The following PDLIM2 variants were observed in gnomAD, a reference collection of about 807,000 sequenced individuals.
The protein encoded by PDLIM2 is PDZ and LIM domain protein 2.
In PDLIM2, 51 loss-of-function variants were observed where a neutral mutation model predicts 54.1. The observed-to-expected ratio is 0.94, with a 90% CI of 0.75 to 1.19. The LOEUF (loss-of-function observed/expected upper bound fraction) is 1.19. Ranked by LOEUF, PDLIM2 falls within the 50% of genes most tolerant of loss-of-function variation. PDLIM2 has a pLI of 0.00. For missense variants in PDLIM2, 912 were observed against 874.0 expected, an observed-to-expected ratio of 1.04 and a Z score of -0.55; for synonymous variants, 398 against 385.6, an observed-to-expected ratio of 1.03 and a Z score of -0.38.
In PDLIM2 at chr8:22,594,272, T is replaced by C. The variant is rs529137123; in HGVS notation, c.*362T>C. 32 of 1,395,472 alleles carry C rather than the reference T, an allele frequency of 2.3e-5. No homozygotes were observed. In the South Asian group the frequency reaches 4.8e-4, roughly 21 times the overall value. The allele number at this position is 1,395,472 out of a possible 1,614,324, so 86.4% of individuals were successfully genotyped here. A position where few individuals can be genotyped will look rare whatever the true frequency, so the allele number is the denominator to read the frequency against. On this transcript the variant is annotated 3_prime_UTR_variant, in exon 10 of 10. Coordinates refer to ENST00000308354, the Ensembl canonical transcript of PDLIM2. The stretch of plus-strand genomic sequence containing the variant: ...TAAAGTTTTTGACATACTAGCTCTA[T>C]AAATATATGAATATGGACAAAATAA...
chr8:22,589,741 G>C (rs1800486357), exon 8 of PDLIM2: 2 of 1,564,348 alleles, frequency 1.3e-6, no homozygotes, highest in East Asian at 4.7e-5. Context: ...TGAGGAGAGA[G>C]GTGAGGGTCT....
In PDLIM2 at chr8:22,591,596, C is replaced by T; in HGVS notation, c.1559C>T (p.Ser520Phe). 1 of 1,613,670 alleles carries T rather than the reference C, an allele frequency of 6.2e-7. No homozygotes were observed. Among genetic ancestry groups the T allele is most frequent in the Non-Finnish European group, 8.5e-7 (1 of 1,180,010 alleles). The change falls in exon 9 of 10, where the codon TCC becomes TTC. Residue 520 changes from serine to phenylalanine, a missense_variant. Coordinates refer to ENST00000308354, the Ensembl canonical transcript of PDLIM2. ...CCCAGCTCACTGAGCCCCCAGTCCT[C>T]CCTGCCCGCCTCCAGGGCCCTGGCC...
chr8:22,591,868 C>A (rs1800560206), intron 9 of PDLIM2, 200 bp downstream of exon 8: 1 of 499,774 alleles, frequency 2.0e-6, no homozygotes, highest in Non-Finnish European at 3.5e-6. Flanking sequence ...TAGCTGCTTC[C>A]GGCTGCATCT....
At chr8:22,589,627 G>A in exon 8 of PDLIM2, 1 of 1,599,440 alleles carries the variant, frequency 6.3e-7, no homozygotes, top group Non-Finnish European at 8.5e-7. Flanking sequence ...CCTCCTCCTG[G>A]ACGAGGACTC....
At chr8:22,594,109 C>T in exon 10 of PDLIM2, 1 of 1,428,164 alleles carries the variant, frequency 7.0e-7, no homozygotes, top group Non-Finnish European at 9.1e-7. Flanking sequence ...TGCCAGGCCT[C>T]TCCCCTGCAG....
chr8:22,588,828 A>G (rs982339176), intron 6 of PDLIM2: 2 of 192,292 alleles, frequency 1.0e-5, no homozygotes, highest in Admixed American at 5.8e-5. Flanking sequence ...GCCGGCCCTG[A>G]CTCCCAGGGG....
intron 6 of PDLIM2, 100 bp from the exon 6 acceptor site, chr8:22,589,196 GCC>G: frequency 7.7e-7 from 1 of 1,290,514 alleles, no homozygotes; most frequent in East Asian, 2.5e-5. Flanking sequence ...AGGGCCGGGG[GCC>G]CCCTGGTGTC....
chr8:22,579,068 A>G (rs937778929), exon 1 of PDLIM2: 1 of 1,249,500 alleles, frequency 8.0e-7, no homozygotes, highest in African/African-American at 1.6e-5. Context: ...GGGCGGCGGC[A>G]GGGGCGGCCC....
chr8:22,581,321 G>T, intron 2 of PDLIM2, 58 bp from the exon 2 acceptor site: 2 of 1,538,586 alleles, frequency 1.3e-6, no homozygotes, highest in Non-Finnish European at 1.7e-6. Flanking sequence ...TAGCAGAGTG[G>T]GAAGTCCCTT....
downstream of PDLIM2, chr8:22,594,584 ATGG>A: frequency 6.2e-7 from 1 of 1,613,870 alleles, no homozygotes. Context: ...TTTGGAGGGG[ATGG>A]TGGAGGGCGC....
chr8:22,582,549 A>G (rs1800236977), intron 3 of PDLIM2, among the ~76,000 whole-genome samples: 1 of 149,786 alleles, frequency 6.7e-6, no homozygotes, highest in Non-Finnish European at 1.5e-5. Flanking sequence ...CTGGTTCTGC[A>G]CCAGGCAAGC....
At chr8:22,580,576 T>A in intron 1 of PDLIM2, 1 of 1,613,732 alleles carries the variant, frequency 6.2e-7, no homozygotes, top group Non-Finnish European at 8.5e-7. Flanking sequence ...GGGCATGGAC[T>A]TCACCTCCTG....
chr8:22,579,528 GT>G lies in PDLIM2; in HGVS notation c.748+2del, dbSNP rs924832625. On this transcript the variant is annotated splice_donor_variant, in intron 1 of 9. Transcript: ENST00000308354. LOFTEE classifies it high-confidence loss of function. ...GCGGAGTCCACTGACCGGCTCAAAGGTCTGGGAATCTCGGGGCGGCCGCGAG... is the reference window on the plus strand; with the variant it reads ...GCGGAGTCCACTGACCGGCTCAAAGGCTGGGAATCTCGGGGCGGCCGCGAG... 6.8e-7 allele frequency: 1 copy of G among 1,477,206 alleles called. No homozygotes were observed. Among genetic ancestry groups the G allele is most frequent in the Non-Finnish European group, 8.9e-7 (1 of 1,119,054 alleles). 91.5% of individuals were successfully genotyped at this position (1,477,206 alleles called of 1,614,324 possible). A position where few individuals can be genotyped will look rare whatever the true frequency, so the allele number is the denominator to read the frequency against.
At chr8:22,591,758 C>G (rs1266723121) in intron 9 of PDLIM2, 90 bp downstream of exon 8, 1 of 1,219,938 alleles carries the variant, frequency 8.2e-7, no homozygotes, top group African/African-American at 1.5e-5. Flanking sequence ...AGGGCCGGGC[C>G]CATCAGGGGC....
chr8:22,586,651 T>G (rs1332237960), intron 6 of PDLIM2, among the ~76,000 whole-genome samples: 2 of 152,106 alleles, frequency 1.3e-5, no homozygotes, highest in Admixed American at 6.5e-5. Flanking sequence ...TGAGCTTGTT[T>G]CAAGAGGGCT....
intron 2 of PDLIM2, chr8:22,581,108 C>T (rs988214222): frequency 1.5e-6 from 1 of 679,804 alleles, no homozygotes; most frequent in Non-Finnish European, 2.8e-6. Context: ...GGCTCTCTAT[C>T]CAAAAGTATT....
chr8:22,589,445 C>T (rs1240619534), intron 7 of PDLIM2, 71 bp downstream of exon 6: 22 of 1,529,504 alleles, frequency 1.4e-5, no homozygotes, highest in Non-Finnish European at 1.8e-5. Flanking sequence ...AGACGGGCTT[C>T]CCCGAGAGGG....
chr8:22,586,817 C>T (rs1800394398), intron 6 of PDLIM2, among the ~76,000 whole-genome samples: 1 of 152,150 alleles, frequency 6.6e-6, no homozygotes, highest in Admixed American at 6.5e-5. Flanking sequence ...AGGCATGGCT[C>T]CCAAACCAGC....
chr8:22,584,444 G>A (rs1800311183), intron 3 of PDLIM2, among the ~76,000 whole-genome samples: 2 of 151,992 alleles, frequency 1.3e-5, no homozygotes, highest in South Asian at 4.2e-4. Context: ...AAGTAGCTGG[G>A]ACTACCGGCA....
Sources: allele counts gnomAD v4.1 joint callset (sites outside exome capture counted in the v4.1 genomes callset), GRCh38; gene constraint gnomAD v4.1.1; transcripts MANE v1.5; gene names NCBI Gene and HGNC (gene_info 2026-07-23, HGNC 2026-07-21).